Variants in LRRTM4 observed in about 807,000 individuals in gnomAD.
The protein encoded by LRRTM4 is leucine-rich repeat transmembrane neuronal protein 4.
In LRRTM4, 25 loss-of-function variants were observed where a neutral mutation model predicts 47.6. The observed-to-expected ratio is 0.53, with a 90% CI of 0.38 to 0.73. The LOEUF (loss-of-function observed/expected upper bound fraction) is 0.73, where lower values mean the gene tolerates loss of function less well. Among genes scored for constraint, LRRTM4 ranks in the 30% least tolerant of loss-of-function variants. LRRTM4 has a pLI of 0.00. For synonymous variants in LRRTM4, 311 were observed against 269.5 expected (o/e 1.15, Z -1.51); for missense variants, 638 against 713.4 (o/e 0.89, Z 1.20).
chr2:77,035,910 C>A (rs1006791168), intron 3 of LRRTM4, among the ~76,000 whole-genome samples: 12 of 151,818 alleles, frequency 7.9e-5, no homozygotes, highest in Non-Finnish European at 1.3e-4. Flanking sequence ...TTCTATTAAG[C>A]TCTGAGGAGC....
chr2:77,077,447 T>C (rs910151620), intron 3 of LRRTM4, among the ~76,000 whole-genome samples: 7 of 152,154 alleles, frequency 4.6e-5, no homozygotes, highest in African/African-American at 7.2e-5. Flanking sequence ...CAGGAAACAT[T>C]TGGAATTAAG....
At chr2:76,760,954 A>G (rs1573060494) in intron 3 of LRRTM4, among the ~76,000 whole-genome samples, 1 of 152,174 alleles carries the variant, frequency 6.6e-6, no homozygotes, top group Non-Finnish European at 1.5e-5. Context: ...AACTTTGACA[A>G]ATCTGTAGTG....
intron 3 of LRRTM4, among the ~76,000 whole-genome samples, chr2:77,118,096 T>C (rs1671435392): frequency 6.6e-6 from 1 of 151,944 alleles, no homozygotes; most frequent in South Asian, 2.1e-4. Context: ...ATCTGCCTCT[T>C]CATCACACTG....
At chr2:77,087,877 G>A (rs1410696878) in intron 3 of LRRTM4, among the ~76,000 whole-genome samples, 1 of 152,178 alleles carries the variant, frequency 6.6e-6, no homozygotes, top group African/African-American at 2.4e-5. Context: ...GACGTGTGTA[G>A]AAAATAAAGT....
chr2:76,907,428 A>G (rs1188305343), intron 3 of LRRTM4, among the ~76,000 whole-genome samples: 1 of 150,324 alleles, frequency 6.7e-6, no homozygotes, highest in Non-Finnish European at 1.5e-5. Flanking sequence ...TCACAATTAA[A>G]AGAACTAGAA....
At chr2:77,301,351 ATAATT>A (rs1284528173) in intron 3 of LRRTM4, among the ~76,000 whole-genome samples, 1 of 152,148 alleles carries the variant, frequency 6.6e-6, no homozygotes, top group Non-Finnish European at 1.5e-5. Context: ...ATTGCTAAAA[ATAATT>A]TAAGCAGGCA....
chr2:77,455,004 A>G (rs1481362383), intron 3 of LRRTM4, among the ~76,000 whole-genome samples: 2 of 152,156 alleles, frequency 1.3e-5, no homozygotes, highest in Admixed American at 1.3e-4. Flanking sequence ...CCTGGCCAAC[A>G]TGGTGAAACC....
At chr2:77,124,884 T>C (rs979120171) in intron 3 of LRRTM4, among the ~76,000 whole-genome samples, 2 of 152,096 alleles carry the variant, frequency 1.3e-5, no homozygotes, top group Non-Finnish European at 2.9e-5. Context: ...TGGTCCCACG[T>C]GCACTGCAGA....
At chr2:76,830,885 C>G (rs1426355457) in intron 3 of LRRTM4, among the ~76,000 whole-genome samples, 18 of 151,982 alleles carry the variant, frequency 1.2e-4, no homozygotes, top group Non-Finnish European at 2.6e-4. Flanking sequence ...TATTATTTAT[C>G]TCTGACCTAA....
intron 3 of LRRTM4, among the ~76,000 whole-genome samples, chr2:77,505,627 T>C (rs1460503593): frequency 6.6e-6 from 1 of 151,570 alleles, no homozygotes; most frequent in Non-Finnish European, 1.5e-5. Context: ...AAAGAGAAGA[T>C]AAACATTGTG....
At chr2:77,221,903 A>G (rs1446196833) in intron 3 of LRRTM4, among the ~76,000 whole-genome samples, 1 of 152,282 alleles carries the variant, frequency 6.6e-6, no homozygotes, top group Non-Finnish European at 1.5e-5. Flanking sequence ...CAGAATATAC[A>G]TTCTTTTCAG....
chr2:76,862,654 A>C (rs997075723), intron 3 of LRRTM4, among the ~76,000 whole-genome samples: 4 of 152,128 alleles, frequency 2.6e-5, no homozygotes, highest in African/African-American at 9.7e-5. Flanking sequence ...CACACACACA[A>C]ACACACAGTG....
At chr2:77,331,506 C>T (rs937539377) in intron 3 of LRRTM4, among the ~76,000 whole-genome samples, 19 of 152,172 alleles carry the variant, frequency 1.2e-4, no homozygotes, top group Admixed American at 1.2e-3. Context: ...GCCATCCATT[C>T]TCTCCTTTTA....
intron 3 of LRRTM4, among the ~76,000 whole-genome samples, chr2:77,095,287 T>A (rs561198826): frequency 3.9e-5 from 6 of 152,266 alleles, no homozygotes; most frequent in African/African-American, 1.4e-4. Flanking sequence ...TGGAGGAACC[T>A]CTGTATCTTC....
At chr2:76,873,006 T>C (rs1197825897) in intron 3 of LRRTM4, among the ~76,000 whole-genome samples, 1 of 152,106 alleles carries the variant, frequency 6.6e-6, no homozygotes, top group African/African-American at 2.4e-5. Context: ...ATGCCATGCT[T>C]CTTGTATAGC....
chr2:77,328,869 A>C lies in LRRTM4; in HGVS notation c.1551+189449T>G, dbSNP rs553232468. Among the ~76,000 whole-genome samples the C allele has an allele frequency of 3.3e-5, 5 of 152,334 alleles. No individual in the cohort carries two copies. The East Asian group carries it at 9.6e-4, about 29-fold the overall frequency. On this transcript the variant is annotated intron_variant, in intron 3 of 3. Coordinates refer to ENST00000409884, the MANE Select transcript of LRRTM4 (RefSeq NM_001134745.3). ...GAAAGGCATTGCACATGCTCCAGGT[A>C]TAGAATCCTTTGGAGCAGGGATCTC...
intron 3 of LRRTM4, among the ~76,000 whole-genome samples, chr2:77,056,373 C>G (rs1271441515): frequency 6.6e-6 from 1 of 151,974 alleles, no homozygotes; most frequent in African/African-American, 2.4e-5. Flanking sequence ...CTCTATACAT[C>G]AAGAACTTGT....
chr2:76,970,718 C>T (rs558334518), intron 3 of LRRTM4, among the ~76,000 whole-genome samples: 4 of 152,134 alleles, frequency 2.6e-5, no homozygotes, highest in Admixed American at 6.6e-5. Flanking sequence ...CAACCTAGAG[C>T]TGTAGCAATG....
At chr2:77,130,171 T>C (rs1354024173) in intron 3 of LRRTM4, among the ~76,000 whole-genome samples, 1 of 152,210 alleles carries the variant, frequency 6.6e-6, no homozygotes, top group South Asian at 2.1e-4. Context: ...GTAATAAATC[T>C]ATTACTAGGG....
Sources: allele counts gnomAD v4.1 joint callset (sites outside exome capture counted in the v4.1 genomes callset), GRCh38; gene constraint gnomAD v4.1.1; transcripts MANE v1.5; gene names NCBI Gene and HGNC (gene_info 2026-07-23, HGNC 2026-07-21).